Variants in SIAH1 observed in about 807,000 individuals in gnomAD.
The protein encoded by SIAH1 is E3 ubiquitin-protein ligase SIAH1.
Under a neutral mutation model 20.0 loss-of-function variants are expected in SIAH1, and 2 were observed. The ratio of observed to expected loss-of-function variants is 0.10; its 90% CI spans 0.04 to 0.31. The LOEUF is 0.31. Among genes scored for constraint, SIAH1 ranks in the 10% least tolerant of loss-of-function variants. The probability of loss-of-function intolerance (pLI) is 1.00; values close to 1 mark genes in which losing one functional copy is unlikely to be tolerated. For missense variants in SIAH1, 119 were observed against 355.3 expected (o/e 0.33, Z 5.35); for synonymous variants, 118 against 125.3 (o/e 0.94, Z 0.39).
At position 48,360,757 on chromosome 16, in the gene SIAH1, A is replaced by T. The variant is rs1960551571; in HGVS notation, c.*823T>A. 6.6e-6 allele frequency: 1 copy of T among 152,624 alleles called. No homozygotes were observed. The highest frequency in any genetic ancestry group is 2.1e-4 in the South Asian group (1 of 4,838). 9.5% of individuals were successfully genotyped at this position (152,624 alleles called of 1,614,324 possible). A position where few individuals can be genotyped will look rare whatever the true frequency, so the allele number is the denominator to read the frequency against. On this transcript the variant is annotated 3_prime_UTR_variant, in exon 2 of 2. Coordinates refer to ENST00000394725, the MANE Select transcript of SIAH1 (RefSeq NM_003031.4). ...AGCCTGATTTGCAGTATTTATAAAA[A>T]TCAATTTATTCTCTAACCTTTCAAA...
chr16:48,361,684 T>C lies in SIAH1; in HGVS notation c.745A>G (p.Thr249Ala). 2 of 1,612,508 alleles carry C rather than the reference T, an allele frequency of 1.2e-6. No individual in the cohort carries two copies. The highest frequency in any genetic ancestry group is 1.7e-6 in the Non-Finnish European group (2 of 1,179,442). ...AGACAGTCGCTATTCATAATGGCTG[T>C]TGCAATTCCTTCATGAATAGATCGA... ...TPRSIHEGIA[T>A]AIMNSDCLVF... is the part of the protein sequence containing the mutation. Residue 249 changes from threonine to alanine, a missense_variant, in exon 2 of 2, where the codon ACA (threonine) becomes GCA (alanine). By Grantham distance (58) the Thr-to-Ala change is moderately conservative. This residue lies in a region of SIAH1 where 84 missense variants were observed against 307.8 expected (regional missense o/e 0.27). Transcript: ENST00000394725.
At chr16:48,365,981 T>C in intron 1 of SIAH1, 1 of 1,038,864 alleles carries the variant, frequency 9.6e-7, no homozygotes, top group Non-Finnish European at 1.2e-6. Context: ...CCAGGGCCAG[T>C]TCAGGGCGCG....
rs1369424489 is a variant in SIAH1 at position 48,365,209 on chromosome 16, G to C, written c.-2-2779C>G. ...CCAAGGACAGCCCTGCAGAAGTCAT[G>C]ACGTAACCTGAAGTTTGATTTAAAC... On this transcript the variant is annotated intron_variant, in intron 1 of 1. Transcript: ENST00000394725. The C allele has an allele frequency of 1.6e-5, 10 of 642,436 alleles. No individual in the cohort carries two copies. The Admixed American group carries it at 2.6e-4, about 17-fold the overall frequency. 39.8% of individuals were successfully genotyped at this position (642,436 alleles called of 1,614,324 possible). A position where few individuals can be genotyped will look rare whatever the true frequency, so the allele number is the denominator to read the frequency against.
At position 48,362,573 on chromosome 16, in the gene SIAH1, AG is replaced by A. The variant is rs1227201542; in HGVS notation, c.-2-144del. ...AGAGGAAGAAAAATAGGATTAAAAA[AG>A]ATATTAAAAAAATAAAATTACACTG... On this transcript the variant is annotated intron_variant, in intron 1 of 1. Transcript: ENST00000394725. The surrounding 1 kb of genome is among the most constrained non-coding windows in gnomAD (Gnocchi z 4.2). The A allele has an allele frequency of 2.5e-6, 2 of 791,248 alleles. No individual in the cohort carries two copies. Among genetic ancestry groups the A allele is most frequent in the African/African-American group, 3.5e-5 (2 of 57,078 alleles). 49.0% of individuals were successfully genotyped at this position (791,248 alleles called of 1,614,324 possible).
intron 1 of SIAH1, among the ~76,000 whole-genome samples, chr16:48,370,794 A>T (rs1006542457): frequency 1.7e-4 from 25 of 144,768 alleles, no homozygotes; most frequent in Admixed American, 9.5e-4. Context: ...CGACAGAGCA[A>T]GACTCCATCT....
intron 1 of SIAH1, among the ~76,000 whole-genome samples, chr16:48,367,135 A>C (rs1567370423): frequency 1.3e-5 from 2 of 152,190 alleles, no homozygotes. Flanking sequence ...CCTGGGCTAA[A>C]GCCATCAGCC....
chr16:48,379,793 G>C (rs1961218775), intron 1 of SIAH1, among the ~76,000 whole-genome samples: 1 of 152,232 alleles, frequency 6.6e-6, no homozygotes, highest in South Asian at 2.1e-4. Flanking sequence ...TTCTCAGCTA[G>C]TGATGTCCAG....
intron 1 of SIAH1, among the ~76,000 whole-genome samples, chr16:48,378,792 G>A (rs957270367): frequency 6.6e-6 from 1 of 152,060 alleles, no homozygotes; most frequent in African/African-American, 2.4e-5. Flanking sequence ...TCAGGTCCTA[G>A]AGCAGTCCAA....
At chr16:48,382,762 T>C (rs1206099760) in intron 1 of SIAH1, among the ~76,000 whole-genome samples, 1 of 152,158 alleles carries the variant, frequency 6.6e-6, no homozygotes, top group Admixed American at 6.5e-5. Context: ...TGTTAATAAA[T>C]CTCTTTAAAC....
intron 1 of SIAH1, chr16:48,363,938 ATCTTTTTTTTTTTTTT>A (rs1960718942): frequency 8.0e-6 from 1 of 124,534 alleles, no homozygotes; most frequent in South Asian, 2.6e-4. Flanking sequence ...CTAAGCCATA[ATCTTTTTTTTTTTTTT>A]TTTTTTTTTT....
At position 48,366,428 on chromosome 16, in the gene SIAH1, T is replaced by C. The variant is rs527746887; in HGVS notation, c.-2-3998A>G. The stretch of plus-strand genomic sequence containing the variant: ...CCTATCAGCACTATATTTTAAACTC[T>C]CCTTACCCACTGTGAAAAGACTTTG... On this transcript the variant is annotated intron_variant, in intron 1 of 1. Transcript: ENST00000394725. 6.6e-5 allele frequency among the ~76,000 whole-genome samples: 10 copies of C among 152,246 alleles called. No individual in the cohort carries two copies. The South Asian group carries it at 2.1e-3, about 32-fold the overall frequency.
intron 1 of SIAH1, among the ~76,000 whole-genome samples, chr16:48,372,004 T>C (rs1051402852): frequency 6.6e-6 from 1 of 151,528 alleles, no homozygotes; most frequent in African/African-American, 2.4e-5. Flanking sequence ...GGTAAGTATG[T>C]ATACACACAC....
intron 1 of SIAH1, among the ~76,000 whole-genome samples, chr16:48,379,518 G>GAAAA (rs948423914): frequency 6.6e-6 from 1 of 152,172 alleles, no homozygotes; most frequent in African/African-American, 2.4e-5. Context: ...AAAACACAAC[G>GAAAA]AAAAGGCTAG....
chr16:48,370,941 T>C (rs1438242230), intron 1 of SIAH1, among the ~76,000 whole-genome samples: 1 of 151,304 alleles, frequency 6.6e-6, no homozygotes, highest in Non-Finnish European at 1.5e-5. Context: ...TGGTAAAAAG[T>C]TGTCTCTACT....
rs376134813 is a variant in SIAH1, at chr16:48,381,723, A to C, written c.-3+3481T>G. Among the ~76,000 whole-genome samples, 764 of 152,350 alleles carry C rather than the reference A, an allele frequency of 5.0e-3. 53 individuals carry two copies. In the South Asian group the frequency reaches 0.13, roughly 25 times the overall value. ...GAAAAGGCAAAACTATGGTGACAATAAAAGAAAGAAGATAAGTGGTTGGGG... is the reference window on the plus strand; with the variant it reads ...GAAAAGGCAAAACTATGGTGACAATCAAAGAAAGAAGATAAGTGGTTGGGG... On this transcript the variant is annotated intron_variant, in intron 1 of 1. Coordinates refer to ENST00000394725, the MANE Select transcript of SIAH1 (RefSeq NM_003031.4).
At chr16:48,366,704 C>T (rs1960850907) in intron 1 of SIAH1, among the ~76,000 whole-genome samples, 1 of 152,170 alleles carries the variant, frequency 6.6e-6, no homozygotes, top group Non-Finnish European at 1.5e-5. Context: ...CCTCAAAATG[C>T]AGCAAGAGTT....
chr16:48,362,535 T>C lies in SIAH1; in HGVS notation c.-2-105A>G, dbSNP rs1960634574. ...AGTCCTTTTAAAGTTTCATACAAAA[T>C]TTACTGAGCAAAAGAGGAAGAAAAA... On this transcript the variant is annotated intron_variant, in intron 1 of 1. Transcript: ENST00000394725. The surrounding 1 kb of genome is among the most constrained non-coding windows in gnomAD (Gnocchi z 4.2). 1.6e-5 allele frequency: 19 copies of C among 1,159,694 alleles called. No homozygotes were observed. Among genetic ancestry groups the C allele is most frequent in the Non-Finnish European group, 2.3e-5 (19 of 816,896 alleles). 71.8% of individuals were successfully genotyped at this position (1,159,694 alleles called of 1,614,324 possible).
At chr16:48,368,876 T>C (rs1055639500) in intron 1 of SIAH1, among the ~76,000 whole-genome samples, 4 of 152,200 alleles carry the variant, frequency 2.6e-5, no homozygotes, top group African/African-American at 9.6e-5. Flanking sequence ...CCATTAGAAA[T>C]CTTAATTAAA....
At chr16:48,365,189 G>C in intron 1 of SIAH1, 1 of 568,996 alleles carries the variant, frequency 1.8e-6, no homozygotes, top group South Asian at 2.4e-5. Context: ...AGGAACCAAG[G>C]ACAGCCCTGC....
Sources: allele counts gnomAD v4.1 joint callset (sites outside exome capture counted in the v4.1 genomes callset), GRCh38; gene constraint gnomAD v4.1.1; regional missense constraint gnomAD v4.1.1; non-coding constraint Gnocchi (gnomAD v3.1); transcripts MANE v1.5; gene names NCBI Gene and HGNC (gene_info 2026-07-23, HGNC 2026-07-21).